The following PLEKHH2 variants were observed in gnomAD, a reference collection of about 807,000 sequenced individuals.
The protein encoded by PLEKHH2 is pleckstrin homology, MyTH4 and FERM domain containing H2.
A neutral mutation model predicts 187.9 loss-of-function variants in PLEKHH2; 129 were observed. That is an observed-to-expected ratio of 0.69 (90% CI 0.59 to 0.79). The LOEUF (loss-of-function observed/expected upper bound fraction) is 0.79. Among genes scored for constraint, PLEKHH2 ranks in the 30% least tolerant of loss-of-function variants. The pLI is 0.00. For synonymous variants in PLEKHH2, 686 were observed against 605.6 expected, an observed-to-expected ratio of 1.13 and a Z score of -1.95; for missense variants, 2,076 against 1,751.2, an observed-to-expected ratio of 1.19 and a Z score of -3.31.
chr2:43,759,152 A>G, intron 27 of PLEKHH2, 123 bp downstream of exon 27: 2 of 1,373,708 alleles, frequency 1.5e-6, no homozygotes, highest in Non-Finnish European at 1.9e-6. Context: ...TAATGTAAAG[A>G]AAACAATGAA....
intron 2 of PLEKHH2, among the ~76,000 whole-genome samples, chr2:43,670,215 A>T (rs1486032618): frequency 6.6e-6 from 1 of 152,244 alleles, no homozygotes; most frequent in Non-Finnish European, 1.5e-5. Context: ...GCTTTATGCC[A>T]GGAGAACATG....
intron 21 of PLEKHH2, among the ~76,000 whole-genome samples, chr2:43,741,792 C>A (rs1025395461): frequency 6.6e-6 from 1 of 152,142 alleles, no homozygotes; most frequent in African/African-American, 2.4e-5. Flanking sequence ...GATCTGCCTA[C>A]AGGGCACTTG....
intron 1 of PLEKHH2, among the ~76,000 whole-genome samples, chr2:43,641,289 T>G (rs1226711563): frequency 6.6e-6 from 1 of 152,140 alleles, no homozygotes; most frequent in Non-Finnish European, 1.5e-5. Context: ...ATTTATCTAT[T>G]TTTTCTTCGA....
rs377227524 is a variant in PLEKHH2, at chr2:43,707,879, C to A, written c.1966+334C>A. On this transcript the variant is annotated intron_variant, in intron 11 of 29. Transcript: ENST00000282406. ...AGACTTATTTCAGCTAAAGTTGTTACACTGCTAACTGGCAGAAAATATACC... is the reference window on the plus strand; with the variant it reads ...AGACTTATTTCAGCTAAAGTTGTTAAACTGCTAACTGGCAGAAAATATACC... Among the ~76,000 whole-genome samples, 8 of 152,220 alleles carry A rather than the reference C, an allele frequency of 5.3e-5. No individual in the cohort carries two copies. The South Asian group carries it at 1.7e-3, about 32-fold the overall frequency.
At chr2:43,746,649 T>C (rs1671789159) in intron 24 of PLEKHH2, among the ~76,000 whole-genome samples, 1 of 152,110 alleles carries the variant, frequency 6.6e-6, no homozygotes, top group South Asian at 2.1e-4. Flanking sequence ...TTTAACAGTA[T>C]TATTACATTT....
intron 24 of PLEKHH2, 97 bp downstream of exon 24, chr2:43,746,060 A>G (rs1052857323): frequency 6.1e-5 from 39 of 638,162 alleles, no homozygotes; most frequent in Non-Finnish European, 7.9e-5. Flanking sequence ...CTTAAAAGTT[A>G]TTTATTTGTA....
intron 17 of PLEKHH2, among the ~76,000 whole-genome samples, chr2:43,728,804 C>T (rs1670902081): frequency 6.6e-6 from 1 of 151,992 alleles, no homozygotes; most frequent in African/African-American, 2.4e-5. Context: ...TCAGATGATC[C>T]ACCCGGCTTG....
chr2:43,735,452 G>A lies in PLEKHH2; in HGVS notation c.2944-2889G>A, dbSNP rs78494816. Among the ~76,000 whole-genome samples, 1,220 of 152,194 alleles carry A rather than the reference G, an allele frequency of 8.0e-3. 18 individuals are homozygous for A. Among genetic ancestry groups the A allele is most frequent in the African/African-American group, 0.028 (1,152 of 41,502 alleles). ...GTAGGGGGTGGAGGGATGAAAGGAG[G>A]TTGGTTAATGGGTACAAAAATACAT... On this transcript the variant is annotated intron_variant, in intron 19 of 29. Coordinates refer to ENST00000282406, the MANE Select transcript of PLEKHH2 (RefSeq NM_172069.4).
intron 16 of PLEKHH2, among the ~76,000 whole-genome samples, chr2:43,725,654 G>C (rs919655796): frequency 5.9e-5 from 9 of 152,308 alleles, no homozygotes; most frequent in Admixed American, 2.6e-4. Flanking sequence ...TAGTACAGCT[G>C]AATCATCTGA....
intron 2 of PLEKHH2, among the ~76,000 whole-genome samples, chr2:43,648,709 T>C (rs1666315405): frequency 6.6e-6 from 1 of 151,812 alleles, no homozygotes; most frequent in Non-Finnish European, 1.5e-5. Context: ...GCCTCCCAAG[T>C]AGCTGGCATT....
chr2:43,645,602 T>A (rs940643254), intron 2 of PLEKHH2, among the ~76,000 whole-genome samples: 2 of 152,160 alleles, frequency 1.3e-5, no homozygotes, highest in Non-Finnish European at 2.9e-5. Context: ...AGTTTTAGCA[T>A]GAAAGAATGT....
chr2:43,652,372 G>C (rs1666519657), intron 2 of PLEKHH2, among the ~76,000 whole-genome samples: 1 of 152,138 alleles, frequency 6.6e-6, no homozygotes, highest in Non-Finnish European at 1.5e-5. Context: ...AGGAGCTCAA[G>C]CCTTATTCTC....
intron 4 of PLEKHH2, among the ~76,000 whole-genome samples, chr2:43,694,083 A>G (rs80140753): frequency 3.5e-4 from 53 of 152,264 alleles, no homozygotes; most frequent in African/African-American, 1.3e-3. Flanking sequence ...CATGCCCCTA[A>G]GGAGAGTCTT....
chr2:43,691,393 G>A (rs1412112362), intron 3 of PLEKHH2, among the ~76,000 whole-genome samples: 2 of 152,204 alleles, frequency 1.3e-5, no homozygotes, highest in Non-Finnish European at 2.9e-5. Flanking sequence ...TGATTGGCTT[G>A]TGAGTAAGCA....
At position 43,758,907 on chromosome 2, in the gene PLEKHH2, T is replaced by A; in HGVS notation, c.3949T>A (p.Cys1317Ser). The change falls in exon 27 of 30, where the codon TGC becomes AGC. Residue 1317 changes from cysteine (C) to serine (S), a missense_variant. By Grantham distance (112) the Cys-to-Ser change is moderately radical (BLOSUM62 -1). Transcript: ENST00000282406. ...GCSEEQLRQL[C>S]QRLSTRWMAL... ...TCTTTTCTTTTTTTTTAGGCAGCTTTGCCAGCGACTTTCAACCAGATGGAT... is the reference window on the plus strand; with the variant it reads ...TCTTTTCTTTTTTTTTAGGCAGCTTAGCCAGCGACTTTCAACCAGATGGAT... 1 of 1,579,792 alleles carries A rather than the reference T, an allele frequency of 6.3e-7. No homozygotes were observed.
intron 2 of PLEKHH2, among the ~76,000 whole-genome samples, chr2:43,652,378 T>G (rs1558420156): frequency 1.3e-5 from 2 of 152,178 alleles, no homozygotes; most frequent in Non-Finnish European, 2.9e-5. Flanking sequence ...TCAAGCCTTA[T>G]TCTCCAAGCC....
rs1436352697 is a variant in PLEKHH2 at position 43,704,045 on chromosome 2, G to T, written c.1715G>T (p.Ser572Ile). The change falls in exon 9 of 30, where the codon AGT (serine) becomes ATT (isoleucine). Residue 572 changes from serine (S) to isoleucine (I), a missense_variant. Ser to Ile is a moderately radical substitution (Grantham distance 142). Transcript: ENST00000282406. ...ATGTCTGAGGCCTTCAATATGGAGA[G>T]TGTTAATAAAAGTAAGTGCTTTTTC... The part of the protein sequence containing the change: ...IRMSEAFNME[S>I]VNKNSAATLS... 1.9e-6 allele frequency: 3 copies of T among 1,595,628 alleles called. No homozygotes were observed. Among genetic ancestry groups the T allele is most frequent in the Non-Finnish European group, 1.7e-6 (2 of 1,166,476 alleles).
chr2:43,721,685 A>C (rs1352698298), intron 16 of PLEKHH2, among the ~76,000 whole-genome samples: 1 of 152,208 alleles, frequency 6.6e-6, no homozygotes, highest in African/African-American at 2.4e-5. Flanking sequence ...CAGGAGTTTG[A>C]GACCAGCCTG....
chr2:43,705,313 T>G (rs969674636), intron 9 of PLEKHH2, among the ~76,000 whole-genome samples: 1 of 138,700 alleles, frequency 7.2e-6, no homozygotes, highest in Non-Finnish European at 1.5e-5. Flanking sequence ...GGGAGTGGAG[T>G]GGTGTGATCA....
Sources: allele counts gnomAD v4.1 joint callset (sites outside exome capture counted in the v4.1 genomes callset), GRCh38; gene constraint gnomAD v4.1.1; transcripts MANE v1.5; gene names NCBI Gene and HGNC (gene_info 2026-07-23, HGNC 2026-07-21).